The following BRCA1 variants were observed in gnomAD, a reference collection of about 807,000 sequenced individuals.
BRCA1 encodes BRCA1 DNA repair associated.
Under a neutral mutation model 173.7 loss-of-function variants are expected in BRCA1, and 140 were observed. The observed-to-expected ratio is 0.81, with a 90% CI of 0.70 to 0.93. BRCA1 has a LOEUF of 0.93. BRCA1 is among the 40% of genes least tolerant of loss of function. The pLI is 0.00. For synonymous variants in BRCA1, 662 were observed against 756.0 expected (o/e 0.88, Z 2.04); for missense variants, 1,983 against 2,172.5 (o/e 0.91, Z 1.73).
At chr17:43,086,328 T>C (rs879624831) in intron 11 of BRCA1, among the ~76,000 whole-genome samples, 2 of 152,190 alleles carry the variant, frequency 1.3e-5, no homozygotes, top group Non-Finnish European at 2.9e-5. Context: ...CAAGTGTTTA[T>C]TAATGAGAAG....
intron 5 of BRCA1, 75 bp downstream of exon 5, chr17:43,104,793 G>T: frequency 7.7e-7 from 1 of 1,306,770 alleles, no homozygotes; most frequent in Non-Finnish European, 1.1e-6. Flanking sequence ...CCACGTCATA[G>T]AAAGTAATTG....
At chr17:43,132,682 A>G (rs11650848) in intron 1 of BRCA1, 45,555 of 150,708 alleles carry the variant, frequency 0.3, 7,393 homozygotes, top group South Asian at 0.5. Flanking sequence ...GGTTCAAGCA[A>G]TTCTCCTGCT....
At chr17:43,146,191 TGG>T (rs1180455007) in intron 1 of BRCA1, among the ~76,000 whole-genome samples, 1 of 152,010 alleles carries the variant, frequency 6.6e-6, no homozygotes, top group African/African-American at 2.4e-5. Flanking sequence ...TGTGAAGATA[TGG>T]GTACTTAGTC....
intron 9 of BRCA1, 82 bp downstream of exon 9, chr17:43,095,764 G>T: frequency 8.6e-7 from 1 of 1,158,400 alleles, no homozygotes. Context: ...GTCCCAAATG[G>T]TCTTCAGAAT....
intron 14 of BRCA1, among the ~76,000 whole-genome samples, chr17:43,072,538 G>A (rs2052497474): frequency 6.6e-6 from 1 of 151,722 alleles, no homozygotes. Context: ...GAGTAGCTGG[G>A]ACCACAGGTG....
chr17:43,142,540 G>A (rs2056082648), intron 1 of BRCA1: 1 of 152,134 alleles, frequency 6.6e-6, no homozygotes, highest in Non-Finnish European at 1.5e-5. Context: ...GTGTGGCCTT[G>A]GACACTTGGG....
At chr17:43,125,229 G>C (rs2055823239) in intron 1 of BRCA1, 42 bp downstream of exon 1, 1 of 455,546 alleles carries the variant, frequency 2.2e-6, no homozygotes, top group Non-Finnish European at 4.4e-6. Context: ...GTACCCCAGA[G>C]CATCACTTGG....
At chr17:43,130,121 C>G (rs1049646683), upstream of BRCA1, among the ~76,000 whole-genome samples, 1 of 152,088 alleles carries the variant, frequency 6.6e-6, no homozygotes, top group African/African-American at 2.4e-5. Context: ...ATTACATTGT[C>G]AAAAACAGTA....
At position 43,093,697 on chromosome 17, in the gene BRCA1, T is replaced by C. The variant is rs80357245; in HGVS notation, c.1834A>G (p.Arg612Gly). 3.7e-6 allele frequency: 6 copies of C among 1,614,020 alleles called. No homozygotes were observed. Among genetic ancestry groups the C allele is most frequent in the South Asian group, 2.2e-5 (2 of 91,086 alleles). The change falls in exon 10 of 23, where the codon AGG (arginine) becomes GGG (glycine). Residue 612 changes from arginine to glycine, a missense_variant. Transcript: ENST00000357654. Reference sequence around the variant, plus strand: ...ATATGCCTGGTAGAAGACTTCCTCCTCAGCCTATTCTTTTTAGGTGCTTTT... The same window carrying C: ...ATATGCCTGGTAGAAGACTTCCTCCCCAGCCTATTCTTTTTAGGTGCTTTT... Reference protein sequence around the residue: ...NSKAPKKNRLRRKSSTRHIHA... With the variant: ...NSKAPKKNRLGRKSSTRHIHA...
chr17:43,119,077 A>AT (rs1220128183), intron 2 of BRCA1: 1 of 215,070 alleles, frequency 4.6e-6, no homozygotes, highest in Non-Finnish European at 9.4e-6. Context: ...TTTGAAACGG[A>AT]TTTTTTGGAT....
chr17:43,093,232 T>C lies in BRCA1; in HGVS notation c.2299A>G (p.Ser767Gly), dbSNP rs80357194. 3.7e-6 allele frequency: 6 copies of C among 1,613,978 alleles called. No individual in the cohort carries two copies. The highest frequency in any genetic ancestry group is 2.7e-5 in the African/African-American group (2 of 74,936). The change falls in exon 10 of 23, where the codon AGC becomes GGC. Residue 767 changes from serine to glycine, a missense_variant. Ser to Gly is a moderately conservative substitution (Grantham distance 56). Transcript: ENST00000357654. The part of the protein sequence containing the change: ...VLQTERSVES[S>G]SISLVPGTDY... ...GTACCAGGTACCAATGAAATACTGC[T>C]ACTCTCTACAGATCTTTCAGTTTGC...
chr17:43,064,892 T>A (rs2051991638), intron 16 of BRCA1, among the ~76,000 whole-genome samples: 1 of 148,342 alleles, frequency 6.7e-6, no homozygotes, highest in Non-Finnish European at 1.5e-5. Flanking sequence ...GTGCAGTGGC[T>A]GGATCTCAGC....
intron 5 of BRCA1, among the ~76,000 whole-genome samples, 165 bp downstream of exon 5, chr17:43,104,703 G>A (rs1184236691): frequency 2.0e-5 from 3 of 152,222 alleles, no homozygotes; most frequent in African/African-American, 7.2e-5. Context: ...AAAATAAGGT[G>A]TGAGACCAGT....
At chr17:43,082,289 A>G (rs2053032848) in intron 12 of BRCA1, 115 bp downstream of exon 12, 6 of 1,162,330 alleles carry the variant, frequency 5.2e-6, no homozygotes, top group African/African-American at 1.5e-5. Flanking sequence ...ATAATTACCC[A>G]TGTGCTGAGC....
Position 43,093,129 on chromosome 17 carries a change from C to A in BRCA1, c.2402G>T (p.Cys801Phe), listed in dbSNP as rs1567795821. ...LGKAKTEPNK[C>F]VSQCAAFENP... ...TTCAAATGCTGCACACTGACTCACA[C>A]ATTTATTTGGTTCTGTTTTTGCCTT... Residue 801 changes from cysteine to phenylalanine, a missense_variant, in exon 10 of 23, where the codon TGT becomes TTT. Physicochemically the swap from Cys to Phe is radical, Grantham distance 205 (BLOSUM62 -2). Transcript: ENST00000357654. 5.6e-6 allele frequency: 9 copies of A among 1,613,580 alleles called. No individual in the cohort carries two copies. The highest frequency in any genetic ancestry group is 7.6e-6 in the Non-Finnish European group (9 of 1,179,890).
intron 2 of BRCA1, among the ~76,000 whole-genome samples, chr17:43,116,774 C>A (rs1597913513): frequency 6.6e-6 from 1 of 152,296 alleles, no homozygotes. Flanking sequence ...CTGCCTTGGC[C>A]TCCCAAAGTG....
rs878854965 is a variant in BRCA1, at chr17:43,094,629, T to C, written c.902A>G (p.Lys301Arg). 1 of 1,614,236 alleles carries C rather than the reference T, an allele frequency of 6.2e-7. No individual in the cohort carries two copies. ...TTTGCTTTTATTACAGAATTCAGCC[T>C]TTTCTACATTCATTCTGTCTTTAGT... Reference protein sequence around the residue: ...LLTKDRMNVEKAEFCNKSKQP... With the variant: ...LLTKDRMNVERAEFCNKSKQP... Residue 301 changes from lysine (K) to arginine (R), a missense_variant, in exon 10 of 23, where the codon AAG becomes AGG. Transcript: ENST00000357654.
intron 1 of BRCA1, chr17:43,139,814 A>G: frequency 2.2e-6 from 1 of 459,272 alleles, no homozygotes. Context: ...TTCCTTTCTT[A>G]GTTTGCTGAG....
At chr17:43,073,764 A>ATT (rs1445332425) in intron 14 of BRCA1, among the ~76,000 whole-genome samples, 21 of 151,076 alleles carry the variant, frequency 1.4e-4, no homozygotes, top group African/African-American at 3.6e-4. Context: ...ATATATATAT[A>ATT]TATTTTTTGA....
Sources: gnomAD v4.1 joint callset for allele counts (sites outside exome capture counted in the v4.1 genomes callset) on GRCh38, gnomAD v4.1.1 for gene constraint, MANE v1.5 for transcripts, NCBI Gene and HGNC (gene_info 2026-07-23, HGNC 2026-07-21) for gene names.